CDH1: variants seen among roughly 807,000 people sequenced by gnomAD.
The protein encoded by CDH1 is cadherin 1.
Under a neutral mutation model 84.5 loss-of-function variants are expected in CDH1, and 35 were observed. The ratio of observed to expected loss-of-function variants is 0.41; its 90% CI spans 0.32 to 0.55. The LOEUF (loss-of-function observed/expected upper bound fraction) is 0.55. Among genes scored for constraint, CDH1 ranks in the 20% least tolerant of loss-of-function variants. CDH1 has a pLI of 0.19. For synonymous variants in CDH1, 417 were observed against 439.0 expected (o/e 0.95, Z 0.63); for missense variants, 994 against 1,126.6 (o/e 0.88, Z 1.68).
intron 6 of CDH1, 51 bp from the exon 7 acceptor site, chr16:68,811,633 C>T (rs1242695153): frequency 6.5e-7 from 1 of 1,535,154 alleles, no homozygotes; most frequent in Non-Finnish European, 9.0e-7. Context: ...AGTATTGACC[C>T]AGTCCCAAAG....
chr16:68,785,833 G>A (rs115389980), intron 2 of CDH1, among the ~76,000 whole-genome samples: 10,769 of 151,970 alleles, frequency 0.071, 863 homozygotes, highest in African/African-American at 0.2. Context: ...TTGGGCTGTC[G>A]CCCATGTTTT....
intron 11 of CDH1, among the ~76,000 whole-genome samples, chr16:68,819,765 C>A (rs914840431): frequency 2.6e-5 from 4 of 152,178 alleles, no homozygotes; most frequent in Non-Finnish European, 1.5e-5. Flanking sequence ...CATTATCGAA[C>A]TCCGACTTCT....
Position 68,828,304 on chromosome 16 carries a change from G to T in CDH1, c.2295G>T (p.Gln765His), listed in dbSNP as rs1961383748. ...YDEEGGGEED[Q>H]DFDLSQLHRG... ...AAGAAGGAGGCGGAGAAGAGGACCA[G>T]GTGGGTTTTGAAAACCTTGGTAGCT... is the stretch of plus-strand genomic sequence containing the variant. Residue 765 changes from glutamine to histidine, a missense_variant and splice_region_variant, in exon 14 of 16, where the codon CAG becomes CAT. Gln to His is a conservative substitution (Grantham distance 24). Around this residue, in one of 3 missense-constraint regions of CDH1, gnomAD observed 769 missense variants for 881.8 expected, o/e 0.87. Coordinates refer to ENST00000261769, the MANE Select transcript of CDH1 (RefSeq NM_004360.5). 1 of 1,614,062 alleles carries T rather than the reference G, an allele frequency of 6.2e-7. No individual in the cohort carries two copies. Among genetic ancestry groups the T allele is most frequent in the East Asian group, 2.2e-5 (1 of 44,882 alleles).
intron 2 of CDH1, among the ~76,000 whole-genome samples, chr16:68,785,548 A>G (rs1213345061): frequency 6.6e-6 from 1 of 152,146 alleles, no homozygotes; most frequent in Non-Finnish European, 1.5e-5. Context: ...GTCGTGGCTC[A>G]CTGCAGACTC....
chr16:68,790,987 G>A (rs1029539696), intron 2 of CDH1, among the ~76,000 whole-genome samples: 12 of 152,306 alleles, frequency 7.9e-5, no homozygotes, highest in Admixed American at 1.3e-4. Flanking sequence ...AGGGTATGGG[G>A]TATGGGGAGG....
At chr16:68,747,825 G>A (rs1028935794) in intron 2 of CDH1, among the ~76,000 whole-genome samples, 10 of 150,884 alleles carry the variant, frequency 6.6e-5, no homozygotes, top group Admixed American at 1.3e-4. Flanking sequence ...GTGCAGAGGC[G>A]CAATCTCAGC....
intron 15 of CDH1, among the ~76,000 whole-genome samples, chr16:68,832,954 C>T (rs1961524485): frequency 2.7e-5 from 4 of 150,440 alleles, no homozygotes; most frequent in Admixed American, 2.6e-4. Context: ...CTGCATGCAC[C>T]AGTATGCAAA....
intron 8 of CDH1, among the ~76,000 whole-genome samples, 169 bp from the exon 9 acceptor site, chr16:68,813,144 G>A (rs1960884698): frequency 6.6e-6 from 1 of 152,110 alleles, no homozygotes; most frequent in Admixed American, 6.6e-5. Flanking sequence ...TTGAGCCCAG[G>A]AGGTTGAGGC....
rs1567471609 is a variant in CDH1 at position 68,738,500 on chromosome 16, A to ATT, written c.163+90_163+91insTT. ...TGCACTCCCACACCCCTGGGTTGCA[A>ATT]TGGGCAAGCTCCCTCCTTGGCTCAA... On this transcript the variant is annotated intron_variant, in intron 2 of 15. Coordinates refer to ENST00000261769, the MANE Select transcript of CDH1 (RefSeq NM_004360.5). The ATT allele has an allele frequency of 1.2e-5, 10 of 833,272 alleles. No individual in the cohort carries two copies. The African/African-American group carries it at 1.5e-4, about 13-fold the overall frequency. The allele number at this position is 833,272 out of a possible 1,614,324, so 51.6% of individuals were successfully genotyped here.
At chr16:68,815,425 T>C (rs1960954543) in intron 9 of CDH1, 90 bp from the exon 10 acceptor site, 13 of 1,543,768 alleles carry the variant, frequency 8.4e-6, no homozygotes, top group Admixed American at 1.8e-5. Flanking sequence ...CCTAATATAT[T>C]ACCAAAAGCA....
intron 15 of CDH1, among the ~76,000 whole-genome samples, chr16:68,832,914 C>G (rs1486855276): frequency 6.6e-6 from 1 of 152,164 alleles, no homozygotes; most frequent in Admixed American, 6.5e-5. Flanking sequence ...GGCATTTATC[C>G]TTCCAGGCCT....
intron 2 of CDH1, among the ~76,000 whole-genome samples, chr16:68,797,868 C>T (rs1960403782): frequency 6.6e-6 from 1 of 152,080 alleles, no homozygotes; most frequent in African/African-American, 2.4e-5. Context: ...CACTTGAGGT[C>T]AGGAGTTCGA....
chr16:68,737,589 G>A (rs1962433991), intron 1 of CDH1, 126 bp downstream of exon 1: 1 of 900,794 alleles, frequency 1.1e-6, no homozygotes, highest in African/African-American at 1.7e-5. Flanking sequence ...GTCCTGAGGA[G>A]CGGAGCGGCC....
Position 68,799,571 on chromosome 16 carries a change from T to G in CDH1, c.164-2099T>G, listed in dbSNP as rs192816503. 7.9e-5 allele frequency among the ~76,000 whole-genome samples: 12 copies of G among 152,190 alleles called. No individual in the cohort carries two copies. The East Asian group carries it at 2.3e-3, about 29-fold the overall frequency. Reference sequence around the variant, plus strand: ...CCTATAATCAGCCCAGGGGATCAGGTTGCATGAGGAGATAATGAGTCTTAT... The same window carrying G: ...CCTATAATCAGCCCAGGGGATCAGGGTGCATGAGGAGATAATGAGTCTTAT... On this transcript the variant is annotated intron_variant, in intron 2 of 15. Coordinates refer to ENST00000261769, the MANE Select transcript of CDH1 (RefSeq NM_004360.5).
intron 2 of CDH1, among the ~76,000 whole-genome samples, chr16:68,755,383 T>C (rs1343890745): frequency 2.0e-5 from 3 of 152,016 alleles, no homozygotes; most frequent in African/African-American, 4.8e-5. Context: ...GACTGTTCTC[T>C]AGTCAGGCAT....
chr16:68,778,431 A>G (rs1959791375), intron 2 of CDH1, among the ~76,000 whole-genome samples: 1 of 152,212 alleles, frequency 6.6e-6, no homozygotes, highest in Non-Finnish European at 1.5e-5. Flanking sequence ...ACAAATCATC[A>G]TTAGTGAAAC....
intron 9 of CDH1, among the ~76,000 whole-genome samples, chr16:68,813,808 T>G (rs1306624163): frequency 6.6e-6 from 1 of 151,958 alleles, no homozygotes; most frequent in Non-Finnish European, 1.5e-5. Context: ...GGCACGTGCC[T>G]GTAATCTCAG....
intron 2 of CDH1, among the ~76,000 whole-genome samples, chr16:68,772,637 A>G (rs2152120960): frequency 6.6e-6 from 1 of 152,224 alleles, no homozygotes; most frequent in East Asian, 1.9e-4. Context: ...ATTGCCCATG[A>G]AAAACACCAG....
chr16:68,788,086 C>A (rs966328014), intron 2 of CDH1, among the ~76,000 whole-genome samples: 7 of 152,142 alleles, frequency 4.6e-5, no homozygotes, highest in Non-Finnish European at 1.0e-4. Flanking sequence ...CTTGGCCTCC[C>A]AAAGTGCTGG....
Sources: allele counts gnomAD v4.1 joint callset (sites outside exome capture counted in the v4.1 genomes callset), GRCh38; gene constraint gnomAD v4.1.1; regional missense constraint gnomAD v4.1.1; transcripts MANE v1.5; gene names NCBI Gene and HGNC (gene_info 2026-07-23, HGNC 2026-07-21).